The following ARHGAP18 variants were observed in gnomAD, a reference collection of about 807,000 sequenced individuals.
ARHGAP18 encodes rho GTPase-activating protein 18.
A neutral mutation model predicts 86.2 loss-of-function variants in ARHGAP18; 67 were observed. The ratio of observed to expected loss-of-function variants is 0.78; its 90% CI spans 0.64 to 0.95. The LOEUF (loss-of-function observed/expected upper bound fraction) is 0.95, where lower values mean the gene tolerates loss of function less well. Among genes scored for constraint, ARHGAP18 ranks in the 40% least tolerant of loss-of-function variants. The pLI is 0.00. For synonymous variants in ARHGAP18, 283 were observed against 280.4 expected (o/e 1.01, Z -0.09); for missense variants, 691 against 780.4 (o/e 0.89, Z 1.37).
At chr6:129,620,846 G>A (rs1044073864) in intron 5 of ARHGAP18, among the ~76,000 whole-genome samples, 3 of 152,170 alleles carry the variant, frequency 2.0e-5, no homozygotes, top group Non-Finnish European at 4.4e-5. Flanking sequence ...AATTAGTAAT[G>A]AGGCATTATT....
rs140706963 is a variant in ARHGAP18, at chr6:129,608,013, T to C, written c.1162A>G (p.Thr388Ala). The change falls in exon 9 of 15, where the codon ACT (threonine) becomes GCT (alanine). Residue 388 changes from threonine to alanine, a missense_variant. Physicochemically the swap from Thr to Ala is moderately conservative, Grantham distance 58. Coordinates refer to ENST00000368149, the MANE Select transcript of ARHGAP18 (RefSeq NM_033515.3). ...QELEAKFYEG[T>A]FNWESVKQHD... ...TGTTTGACACTTTCCCAATTAAAAG[T>C]CCCTTCATAAAACTTTGCTTCTAGT... The C allele has an allele frequency of 1.9e-6, 3 of 1,582,576 alleles. No individual in the cohort carries two copies. Among genetic ancestry groups the C allele is most frequent in the Non-Finnish European group, 2.6e-6 (3 of 1,167,026 alleles).
At chr6:129,621,011 AC>A (rs1275096840) in intron 5 of ARHGAP18, among the ~76,000 whole-genome samples, 1 of 152,204 alleles carries the variant, frequency 6.6e-6, no homozygotes, top group African/African-American at 2.4e-5. Flanking sequence ...ACCATGATAC[AC>A]TTAATTTTCT....
intron 2 of ARHGAP18, among the ~76,000 whole-genome samples, chr6:129,640,042 C>CAAAAA (rs374771260): frequency 3.0e-3 from 220 of 72,540 alleles, no homozygotes; most frequent in Middle Eastern, 8.6e-3. Context: ...GAGACTGTCT[C>CAAAAA]AAAAAAAAAA....
At chr6:129,623,265 A>T (rs769097403) in intron 5 of ARHGAP18, among the ~76,000 whole-genome samples, 8 of 152,186 alleles carry the variant, frequency 5.3e-5, no homozygotes, top group Non-Finnish European at 7.3e-5. Flanking sequence ...ATTAATGTCA[A>T]GCCTCAGCAT....
At chr6:129,638,798 T>C (rs987899725) in intron 2 of ARHGAP18, among the ~76,000 whole-genome samples, 169 bp from the exon 3 acceptor site, 3 of 152,238 alleles carry the variant, frequency 2.0e-5, no homozygotes, top group African/African-American at 7.2e-5. Flanking sequence ...CACAATGACA[T>C]CAAATTTTAG....
chr6:129,686,852 G>A (rs762220202), intron 1 of ARHGAP18, among the ~76,000 whole-genome samples: 10 of 147,656 alleles, frequency 6.8e-5, no homozygotes, highest in South Asian at 6.5e-4. Flanking sequence ...GTGCAATGGC[G>A]CGATCTCGGA....
At chr6:129,687,620 A>G (rs1025062532) in intron 1 of ARHGAP18, among the ~76,000 whole-genome samples, 3 of 152,234 alleles carry the variant, frequency 2.0e-5, no homozygotes, top group African/African-American at 7.2e-5. Flanking sequence ...AACAATTCAT[A>G]CAAGGTGCCA....
intron 1 of ARHGAP18, among the ~76,000 whole-genome samples, chr6:129,656,511 C>T (rs976028600): frequency 2.0e-5 from 3 of 151,964 alleles, no homozygotes; most frequent in African/African-American, 4.8e-5. Flanking sequence ...CATGGTGGTA[C>T]GCGCCTATAA....
chr6:129,660,318 G>C (rs1773925656), intron 1 of ARHGAP18, among the ~76,000 whole-genome samples: 2 of 152,186 alleles, frequency 1.3e-5, no homozygotes, highest in Admixed American at 1.3e-4. Flanking sequence ...TGAATCCAAA[G>C]GGCATTGGTA....
intron 1 of ARHGAP18, among the ~76,000 whole-genome samples, chr6:129,665,299 C>G (rs1774016121): frequency 6.6e-6 from 1 of 152,182 alleles, no homozygotes; most frequent in South Asian, 2.1e-4. Flanking sequence ...AATCCCAGCA[C>G]TTTGGGAGCC....
intron 4 of ARHGAP18, among the ~76,000 whole-genome samples, chr6:129,631,821 T>C (rs190826084): frequency 3.9e-5 from 6 of 152,144 alleles, no homozygotes; most frequent in East Asian, 3.9e-4. Flanking sequence ...TAAGAAGCTA[T>C]ACATATCAAT....
chr6:129,662,313 G>A (rs1324555005), intron 1 of ARHGAP18, among the ~76,000 whole-genome samples: 5 of 152,242 alleles, frequency 3.3e-5, no homozygotes, highest in Admixed American at 6.5e-5. Flanking sequence ...CCAGTGTGAA[G>A]GGCCCATCAG....
chr6:129,611,937 G>A (rs916420101), intron 7 of ARHGAP18, among the ~76,000 whole-genome samples: 1 of 152,166 alleles, frequency 6.6e-6, no homozygotes, highest in Admixed American at 6.5e-5. Flanking sequence ...TGCTTTTCCA[G>A]AAACCTACAT....
At chr6:129,586,582 C>T (rs776062991) in intron 12 of ARHGAP18, among the ~76,000 whole-genome samples, 3 of 152,132 alleles carry the variant, frequency 2.0e-5, no homozygotes, top group Non-Finnish European at 2.9e-5. Flanking sequence ...CCCAGAATCA[C>T]ATCTTACCCA....
intron 5 of ARHGAP18, among the ~76,000 whole-genome samples, chr6:129,620,932 G>A: frequency 6.6e-6 from 1 of 152,134 alleles, no homozygotes. Flanking sequence ...CAGACTGAAT[G>A]CAAACGTAAA....
intron 1 of ARHGAP18, among the ~76,000 whole-genome samples, chr6:129,643,862 C>T (rs1025970551): frequency 7.2e-5 from 11 of 152,170 alleles, no homozygotes; most frequent in East Asian, 1.9e-4. Context: ...AAACTCTGGG[C>T]GAATCTATCC....
chr6:129,681,230 G>C (rs1774319735), intron 1 of ARHGAP18, among the ~76,000 whole-genome samples: 1 of 152,076 alleles, frequency 6.6e-6, no homozygotes, highest in Non-Finnish European at 1.5e-5. Flanking sequence ...GGCACGCACT[G>C]CCATGTCCAG....
chr6:129,610,317 A>G (rs896002592), intron 8 of ARHGAP18, among the ~76,000 whole-genome samples: 1 of 152,230 alleles, frequency 6.6e-6, no homozygotes, highest in African/African-American at 2.4e-5. Context: ...CATTCATTGG[A>G]AGCTTTATCC....
At chr6:129,586,663 C>T (rs911907471) in intron 12 of ARHGAP18, among the ~76,000 whole-genome samples, 1 of 152,052 alleles carries the variant, frequency 6.6e-6, no homozygotes, top group Admixed American at 6.6e-5. Flanking sequence ...TTTTTATATA[C>T]AGAAAGTCCA....
Sources: allele counts gnomAD v4.1 joint callset (sites outside exome capture counted in the v4.1 genomes callset), GRCh38; gene constraint gnomAD v4.1.1; transcripts MANE v1.5; gene names NCBI Gene and HGNC (gene_info 2026-07-23, HGNC 2026-07-21).